The following FANCM variants were observed in gnomAD, a reference collection of about 807,000 sequenced individuals.
FANCM encodes FA complementation group M, also known as Fanconi anemia group M protein.
FANCM carries 140 observed loss-of-function variants against 199.5 expected under a neutral mutation model. The ratio of observed to expected loss-of-function variants is 0.70; its 90% confidence interval spans 0.61 to 0.81. The LOEUF (loss-of-function observed/expected upper bound fraction) is 0.81. Ranked by LOEUF, FANCM falls within the 30% of genes least tolerant of loss-of-function variation. The pLI is 0.00. For missense variants in FANCM, 2,410 were observed against 2,421.4 expected, an observed-to-expected ratio of 1.00 and a Z score of 0.10; for synonymous variants, 840 against 836.8, an observed-to-expected ratio of 1.00 and a Z score of -0.07.
intron 14 of FANCM, among the ~76,000 whole-genome samples, chr14:45,180,243 G>A (rs1888980340): frequency 6.6e-6 from 1 of 152,168 alleles, no homozygotes; most frequent in East Asian, 1.9e-4. Context: ...TGGCTTAGCT[G>A]AGTGGTTCTG....
At chr14:45,165,719 A>G (rs941746890) in intron 10 of FANCM, among the ~76,000 whole-genome samples, 4 of 152,212 alleles carry the variant, frequency 2.6e-5, no homozygotes, top group Middle Eastern at 3.2e-3. Flanking sequence ...GCCGTGTAAT[A>G]TCAGTGAGTG....
rs1266843360 is a variant in FANCM at position 45,199,771 on chromosome 14, T to C, written c.6009-99T>C. Reference sequence around the variant, plus strand: ...CTGGGCGGATAATGCTTGAGATGATTTCCTTAAAGGCTACTGTGTTTGGTG... The same window carrying C: ...CTGGGCGGATAATGCTTGAGATGATCTCCTTAAAGGCTACTGTGTTTGGTG... On this transcript the variant is annotated intron_variant, in intron 22 of 22. Transcript: ENST00000267430. 3 of 1,051,348 alleles carry C rather than the reference T, an allele frequency of 2.9e-6. No individual in the cohort carries two copies. The African/African-American group carries it at 4.7e-5, about 17-fold the overall frequency. The allele number at this position is 1,051,348 out of a possible 1,614,324, so 65.1% of individuals were successfully genotyped here. A position where few individuals can be genotyped will look rare whatever the true frequency, so the allele number is the denominator to read the frequency against.
intron 21 of FANCM, 59 bp from the exon 22 acceptor site, chr14:45,198,585 A>T: frequency 8.4e-7 from 1 of 1,186,530 alleles, no homozygotes. Context: ...AAAGTATATT[A>T]ATAATTCTAC....
At chr14:45,145,993 A>AGCTTGC (rs1886342816) in intron 3 of FANCM, among the ~76,000 whole-genome samples, 1 of 146,048 alleles carries the variant, frequency 6.8e-6, no homozygotes, top group African/African-American at 2.5e-5. Context: ...CGGGAGGCGG[A>AGCTTGC]GCTTGCAGTG....
Position 45,154,746 on chromosome 14 carries a change from ACT to A in FANCM, c.1236_1237del (p.Tyr413Ter), listed in dbSNP as rs1467556424. ...ELGRNEDFMK[L>X]YNHLECMFAR... ...TTGGCCGAAATGAAGACTTCATGAA[ACT>A]CTATAATCATCTAGAGTGTATGTTT... On this transcript the variant is annotated frameshift_variant, in exon 7 of 23. Coordinates refer to ENST00000267430, the MANE Select transcript of FANCM (RefSeq NM_020937.4). LOFTEE classifies it high-confidence loss of function. The A allele has an allele frequency of 2.5e-6, 4 of 1,604,020 alleles. No homozygotes were observed. The highest frequency in any genetic ancestry group is 2.7e-5 in the African/African-American group (2 of 74,896).
intron 8 of FANCM, among the ~76,000 whole-genome samples, 187 bp from the exon 9 acceptor site, chr14:45,158,909 C>A (rs111459710): frequency 6.6e-6 from 1 of 152,060 alleles, no homozygotes; most frequent in Non-Finnish European, 1.5e-5. Flanking sequence ...TGGGCTCAAG[C>A]GATTTCCCCA....
At chr14:45,194,592 T>C (rs1018550363) in intron 20 of FANCM, among the ~76,000 whole-genome samples, 1 of 152,202 alleles carries the variant, frequency 6.6e-6, no homozygotes, top group Non-Finnish European at 1.5e-5. Context: ...TTTGTGCAGC[T>C]GCATACACCA....
At chr14:45,156,850 G>GGAGGTTGCGGTAAGCC (rs1326403834) in intron 8 of FANCM, among the ~76,000 whole-genome samples, 1 of 150,336 alleles carries the variant, frequency 6.7e-6, no homozygotes, top group African/African-American at 2.5e-5. Flanking sequence ...CCTGGGAGAC[G>GGAGGTTGCGGTAAGCC]GAGGTTGCGG....
At chr14:45,173,349 T>G in intron 13 of FANCM, 139 bp downstream of exon 13, 1 of 758,814 alleles carries the variant, frequency 1.3e-6, no homozygotes, top group Non-Finnish European at 2.3e-6. Context: ...AAGAATGAGT[T>G]TTCTGCCTTA....
At chr14:45,152,587 G>C (rs928696030) in intron 5 of FANCM, among the ~76,000 whole-genome samples, 1 of 152,174 alleles carries the variant, frequency 6.6e-6, no homozygotes, top group African/African-American at 2.4e-5. Context: ...ACACAAAAAA[G>C]GGCACCGAGT....
At chr14:45,180,457 T>TC in intron 14 of FANCM, among the ~76,000 whole-genome samples, 1 of 152,024 alleles carries the variant, frequency 6.6e-6, no homozygotes, top group South Asian at 2.1e-4. Flanking sequence ...TTTTGTTTTT[T>TC]CCCCCACCAG....
Position 45,185,300 on chromosome 14 carries a change from G to A in FANCM, c.4599G>A (p.Glu1533=), listed in dbSNP as rs770525500. 6 of 1,596,656 alleles carry A rather than the reference G, an allele frequency of 3.8e-6. No homozygotes were observed. Among genetic ancestry groups the A allele is most frequent in the Non-Finnish European group, 5.1e-6 (6 of 1,166,378 alleles). Residue 1533 remains glutamate (E), a synonymous_variant, in exon 18 of 23, where the codon GAG becomes GAA. Coordinates refer to ENST00000267430, the MANE Select transcript of FANCM (RefSeq NM_020937.4). ...ATGTTTCATCAGATGAAAATGATGA[G>A]TCAGAAAATGAACAAGATTCCTCAT... ...AEYVSSDEND[E]SENEQDSSLL...
chr14:45,169,735 C>T (rs762629687), intron 11 of FANCM, among the ~76,000 whole-genome samples: 6 of 152,124 alleles, frequency 3.9e-5, no homozygotes, highest in African/African-American at 7.2e-5. Context: ...TTTTTCTGCT[C>T]TCATCTGTAT....
At position 45,189,129 on chromosome 14, in the gene FANCM, C is replaced by G. The variant is rs367653310; in HGVS notation, c.5107C>G (p.His1703Asp). 165 of 1,613,768 alleles carry G rather than the reference C, an allele frequency of 1.0e-4. No homozygotes were observed. The highest frequency in any genetic ancestry group is 1.4e-4 in the Non-Finnish European group (160 of 1,179,764). Reference sequence around the variant, plus strand: ...TGTTAAGAAGAACAAACAACAGGACCATTGTTTAAATTCAGTGCCTTCTGG... The same window carrying G: ...TGTTAAGAAGAACAAACAACAGGACGATTGTTTAAATTCAGTGCCTTCTGG... ...STVKKNKQQD[H>D]CLNSVPSGSS... Residue 1703 changes from histidine (H) to aspartate (D), a missense_variant, in exon 20 of 23, where the codon CAT becomes GAT. By Grantham distance (81) the His-to-Asp change is moderately conservative. Coordinates refer to ENST00000267430, the MANE Select transcript of FANCM (RefSeq NM_020937.4).
At position 45,175,561 on chromosome 14, in the gene FANCM, C is replaced by T. The variant is rs1594798166; in HGVS notation, c.2807C>T (p.Ser936Leu). The T allele has an allele frequency of 4.3e-6, 7 of 1,613,116 alleles. No homozygotes were observed. Among genetic ancestry groups the T allele is most frequent in the East Asian group, 2.2e-5 (1 of 44,844 alleles). ...CAGTTTACAAATAAATCCACTAGTT[C>T]ACTTGCTGGAAATGTTTTAGATTCT... ...ECQFTNKSTS[S>L]LAGNVLDSGY... The change falls in exon 14 of 23, where the codon TCA (serine) becomes TTA (leucine). Residue 936 changes from serine (S) to leucine (L), a missense_variant. Transcript: ENST00000267430.
Position 45,135,971 on chromosome 14 carries a change from TAGCGGTTG to T in FANCM, c.-57_-50del, listed in dbSNP as rs1234463941. On this transcript the variant is annotated 5_prime_UTR_variant, in exon 1 of 23. The change creates a premature stop within an existing upstream ORF in the 5' untranslated region. Transcript: ENST00000267430. The stretch of plus-strand genomic sequence containing the variant: ...AGGAAACCGATGGGGATCGGAACCG[TAGCGGTTG>T]AGCTGCTGCTGCTACGGATATCTGA... 122 of 1,581,076 alleles carry T rather than the reference TAGCGGTTG, an allele frequency of 7.7e-5. No individual in the cohort carries two copies. The highest frequency in any genetic ancestry group is 1.0e-4 in the Non-Finnish European group (121 of 1,153,084).
chr14:45,141,287 C>CAA (rs534567010), intron 3 of FANCM, among the ~76,000 whole-genome samples: 2,548 of 44,354 alleles, frequency 0.057, 75 homozygotes, highest in East Asian at 0.17. Flanking sequence ...GGCTCCGTCT[C>CAA]AAAAAAAAAA....
Position 45,199,006 on chromosome 14 carries a change from T to A in FANCM, c.6008+71T>A, listed in dbSNP as rs1890224185. On this transcript the variant is annotated intron_variant, in intron 22 of 22. Coordinates refer to ENST00000267430, the MANE Select transcript of FANCM (RefSeq NM_020937.4). ...GTAAAAGCATTCCATAGAAGTTTAA[T>A]GTTAAAAAAATTTAAGCGGCATCAT... 3.1e-6 allele frequency: 4 copies of A among 1,294,184 alleles called. No homozygotes were observed. In the African/African-American group the frequency reaches 6.0e-5, roughly 19 times the overall value. 80.2% of individuals were successfully genotyped at this position (1,294,184 alleles called of 1,614,324 possible). A position where few individuals can be genotyped will look rare whatever the true frequency, so the allele number is the denominator to read the frequency against.
In FANCM at chr14:45,176,981, G is replaced by A. The variant is rs201544504; in HGVS notation, c.4222+5G>A. 6.6e-5 allele frequency: 100 copies of A among 1,518,780 alleles called. No homozygotes were observed. The highest frequency in any genetic ancestry group is 1.2e-4 in the Admixed American group (7 of 59,848). 94.1% of individuals were successfully genotyped at this position (1,518,780 alleles called of 1,614,324 possible). ...AATCCTGTCATTCTGTTGAAGGTAA[G>A]ATTCCATCTTTATAAAGTCTATAAC... On this transcript the variant is annotated splice_donor_5th_base_variant and intron_variant, in intron 14 of 22. Transcript: ENST00000267430.
Sources: gnomAD v4.1 joint callset for allele counts (sites outside exome capture counted in the v4.1 genomes callset) on GRCh38, gnomAD v4.1.1 for gene constraint, MANE v1.5 for transcripts, NCBI Gene and HGNC (gene_info 2026-07-23, HGNC 2026-07-21) for gene names.